Variants in PRRC2B observed in about 807,000 individuals in gnomAD.
The protein encoded by PRRC2B is proline rich coiled-coil 2B.
In PRRC2B, 68 loss-of-function variants were observed where a neutral mutation model predicts 242.3. The observed-to-expected ratio is 0.28, with a 90% CI of 0.23 to 0.34. The LOEUF (loss-of-function observed/expected upper bound fraction) is 0.34. PRRC2B is among the 10% of genes least tolerant of loss of function. PRRC2B has a pLI of 1.00. For missense variants in PRRC2B, 2,835 were observed against 2,954.8 expected, an observed-to-expected ratio of 0.96 and a Z score of 0.94; for synonymous variants, 1,228 against 1,173.6, an observed-to-expected ratio of 1.05 and a Z score of -0.95.
At chr9:131,465,404 C>T (rs1195311385) in intron 12 of PRRC2B, among the ~76,000 whole-genome samples, 1 of 152,122 alleles carries the variant, frequency 6.6e-6, no homozygotes, top group Non-Finnish European at 1.5e-5. Context: ...TTCCTTCTCC[C>T]ATCTGAACTT....
At chr9:131,495,512 T>A (rs953682301) in intron 31 of PRRC2B, among the ~76,000 whole-genome samples, 1 of 152,058 alleles carries the variant, frequency 6.6e-6, no homozygotes, top group Non-Finnish European at 1.5e-5. Context: ...TCTTCCTGCC[T>A]CTCCGAATCA....
In PRRC2B at chr9:131,470,987, A is replaced by G. The variant is rs754830313; in HGVS notation, c.2107+4A>G. Reference sequence around the variant, plus strand: ...CCCTCCGCCCTGCATCCCTCAGGTAAGCACTGTGGTCTGACGGTCCATACC... The same window carrying G: ...CCCTCCGCCCTGCATCCCTCAGGTAGGCACTGTGGTCTGACGGTCCATACC... On this transcript the variant is annotated splice_donor_region_variant and intron_variant, in intron 14 of 31. Coordinates refer to ENST00000683519, the MANE Select transcript of PRRC2B (RefSeq NM_013318.4). The G allele has an allele frequency of 1.2e-5, 20 of 1,605,764 alleles. No homozygotes were observed. In the Admixed American group the frequency reaches 3.1e-4, roughly 25 times the overall value.
In PRRC2B at chr9:131,475,399, T is replaced by C; in HGVS notation, c.3270T>C (p.Gly1090=). 1 of 1,582,686 alleles carries C rather than the reference T, an allele frequency of 6.3e-7. No homozygotes were observed. The highest frequency in any genetic ancestry group is 8.6e-7 in the Non-Finnish European group (1 of 1,165,200). The change falls in exon 16 of 32, where the codon GGT becomes GGC. Residue 1090 remains glycine (G), a synonymous_variant. Transcript: ENST00000683519. ...PAGGNGSGLC[G]GGVLGARSIY... Reference sequence around the variant, plus strand: ...GCGGAAATGGGAGCGGCCTCTGTGGTGGGGGGGTCCTGGGGGCCCGCAGCA... The same window carrying C: ...GCGGAAATGGGAGCGGCCTCTGTGGCGGGGGGGTCCTGGGGGCCCGCAGCA...
At chr9:131,458,647 T>G (rs779123760) in intron 10 of PRRC2B, among the ~76,000 whole-genome samples, 10 of 152,024 alleles carry the variant, frequency 6.6e-5, no homozygotes, top group Non-Finnish European at 1.5e-4. Context: ...AGATTACAGG[T>G]GCCTGCTACC....
At chr9:131,481,228 T>C (rs929144895) in intron 19 of PRRC2B, among the ~76,000 whole-genome samples, 1 of 136,904 alleles carries the variant, frequency 7.3e-6, no homozygotes, top group Non-Finnish European at 1.5e-5. Context: ...GAGAATGGCG[T>C]GAACCCGGGA....
At chr9:131,485,428 G>A (rs1047098729) in intron 25 of PRRC2B, among the ~76,000 whole-genome samples, 1 of 152,196 alleles carries the variant, frequency 6.6e-6, no homozygotes, top group African/African-American at 2.4e-5. Context: ...GTCATGTGCT[G>A]GAGCCGTGTC....
chr9:131,456,347 A>G (rs1199063546), intron 10 of PRRC2B, among the ~76,000 whole-genome samples: 1 of 151,326 alleles, frequency 6.6e-6, no homozygotes, highest in African/African-American at 2.4e-5. Flanking sequence ...AATACCCCAC[A>G]ATGGCCAGGC....
intron 8 of PRRC2B, 62 bp downstream of exon 8, chr9:131,447,268 A>G: frequency 3.8e-6 from 6 of 1,593,816 alleles, no homozygotes; most frequent in South Asian, 2.2e-5. Flanking sequence ...TCTGGTCAAG[A>G]TGAGGGGCTG....
chr9:131,486,843 G>T (rs534691900), intron 26 of PRRC2B, among the ~76,000 whole-genome samples: 1 of 152,364 alleles, frequency 6.6e-6, no homozygotes, highest in South Asian at 2.1e-4. Flanking sequence ...AACTGGGTCA[G>T]ACTGCATGTA....
intron 12 of PRRC2B, 27 bp downstream of exon 12, chr9:131,465,105 A>G (rs773561877): frequency 1.6e-5 from 25 of 1,578,654 alleles, no homozygotes; most frequent in South Asian, 4.6e-5. Context: ...CTTCCCACCA[A>G]CTGGAAACCC....
Position 131,474,745 on chromosome 9 carries a change from T to G in PRRC2B, c.2616T>G (p.Asp872Glu). The G allele has an allele frequency of 6.2e-7, 1 of 1,612,528 alleles. No homozygotes were observed. Among genetic ancestry groups the G allele is most frequent in the Non-Finnish European group, 8.5e-7 (1 of 1,179,496 alleles). ...DEKKPECGSWDVSHQPETADT... is the reference protein window; with the variant it reads ...DEKKPECGSWEVSHQPETADT... ...AAAAGCCAGAGTGTGGCAGTTGGGA[T>G]GTTAGCCACCAGCCAGAGACCGCTG... is the stretch of plus-strand genomic sequence containing the variant. The change falls in exon 16 of 32, where the codon GAT (aspartate) becomes GAG (glutamate). Residue 872 changes from aspartate to glutamate, a missense_variant. Coordinates refer to ENST00000683519, the MANE Select transcript of PRRC2B (RefSeq NM_013318.4).
intron 1 of PRRC2B, among the ~76,000 whole-genome samples, chr9:131,422,915 C>T (rs1837881893): frequency 2.0e-5 from 3 of 152,266 alleles, no homozygotes; most frequent in South Asian, 2.1e-4. Flanking sequence ...TTTTCATCTG[C>T]CTAATGGCAA....
At chr9:131,448,983 C>T (rs1357061871) in intron 9 of PRRC2B, among the ~76,000 whole-genome samples, 1 of 152,212 alleles carries the variant, frequency 6.6e-6, no homozygotes, top group Non-Finnish European at 1.5e-5. Flanking sequence ...CAAGGGCCTG[C>T]TGCTCTTCTG....
chr9:131,446,338 C>CTCATACGA lies in PRRC2B; in HGVS notation c.614-60_614-53dup. 1 of 1,583,264 alleles carries CTCATACGA rather than the reference C, an allele frequency of 6.3e-7. No individual in the cohort carries two copies. Among genetic ancestry groups the CTCATACGA allele is most frequent in the East Asian group, 2.2e-5 (1 of 44,548 alleles). On this transcript the variant is annotated intron_variant, in intron 6 of 31. Coordinates refer to ENST00000683519, the MANE Select transcript of PRRC2B (RefSeq NM_013318.4). This position sits in a 1 kb window ranked among gnomAD's most constrained non-coding sequence, Gnocchi z 4.1. Reference sequence around the variant, plus strand: ...GAGGGGGTCCCTTGACCTTCAGAACCTCATACGATCCCTCCTTCCCCCTCC... The same window carrying CTCATACGA: ...GAGGGGGTCCCTTGACCTTCAGAACCTCATACGATCATACGATCCCTCCTTCCCCCTCC...
intron 28 of PRRC2B, among the ~76,000 whole-genome samples, chr9:131,488,766 C>T (rs1261629245): frequency 1.3e-5 from 2 of 152,206 alleles, no homozygotes; most frequent in Admixed American, 1.3e-4. Flanking sequence ...GAAGCCCACA[C>T]CATAGACTGT....
At position 131,437,146 on chromosome 9, in the gene PRRC2B, G is replaced by A. The variant is rs80213770; in HGVS notation, c.396+424G>A. Among the ~76,000 whole-genome samples the A allele has an allele frequency of 5.7e-3, 869 of 152,176 alleles. 28 individuals are homozygous for A. In the East Asian group the frequency reaches 0.069, roughly 12 times the overall value. On this transcript the variant is annotated intron_variant, in intron 4 of 31. Transcript: ENST00000683519. ...GCCAGGTGAGTTTGAAAAACAAAAC[G>A]AAGCGAGCTCCTTTACTGCGGTACT...
chr9:131,400,823 G>A (rs1010107963), intron 1 of PRRC2B, among the ~76,000 whole-genome samples: 5 of 152,192 alleles, frequency 3.3e-5, no homozygotes, highest in Non-Finnish European at 7.4e-5. Context: ...ACCTGGAGAA[G>A]CCTTTTGTCT....
At position 131,455,229 on chromosome 9, in the gene PRRC2B, A is replaced by G. The variant is rs889576217; in HGVS notation, c.1211+63A>G. Reference sequence around the variant, plus strand: ...CCCTGCTTAGTGTTGTTGTGTACCCAGAGCATTTCCCAGTTTCCATAGCAA... The same window carrying G: ...CCCTGCTTAGTGTTGTTGTGTACCCGGAGCATTTCCCAGTTTCCATAGCAA... On this transcript the variant is annotated intron_variant, in intron 10 of 31. Transcript: ENST00000683519. 6 of 1,189,452 alleles carry G rather than the reference A, an allele frequency of 5.0e-6. No homozygotes were observed. The African/African-American group carries it at 9.2e-5, about 18-fold the overall frequency. The allele number at this position is 1,189,452 out of a possible 1,614,324, so 73.7% of individuals were successfully genotyped here.
At chr9:131,417,587 CTG>C (rs1837694068) in intron 1 of PRRC2B, among the ~76,000 whole-genome samples, 1 of 152,120 alleles carries the variant, frequency 6.6e-6, no homozygotes, top group Non-Finnish European at 1.5e-5. Context: ...ATCTTTCAGT[CTG>C]TGAAATCTGT....
Sources: gnomAD v4.1 joint callset for allele counts (sites outside exome capture counted in the v4.1 genomes callset) on GRCh38, gnomAD v4.1.1 for gene constraint, Gnocchi (gnomAD v3.1) non-coding constraint, MANE v1.5 for transcripts, NCBI Gene and HGNC (gene_info 2026-07-23, HGNC 2026-07-21) for gene names.